The following ARHGEF19 variants were observed in gnomAD, a reference collection of about 807,000 sequenced individuals.
The protein encoded by ARHGEF19 is Rho guanine nucleotide exchange factor (GEF) 19.
Under a neutral mutation model 87.6 loss-of-function variants are expected in ARHGEF19, and 92 were observed. The ratio of observed to expected loss-of-function variants is 1.05; its 90% confidence interval spans 0.89 to 1.25. The LOEUF (loss-of-function observed/expected upper bound fraction) is 1.25, where lower values mean the gene tolerates loss of function less well. Among genes scored for constraint, ARHGEF19 ranks in the 50% most tolerant of loss-of-function variants. The pLI, the probability that ARHGEF19 is intolerant of heterozygous loss-of-function variation, is 0.00. For synonymous variants in ARHGEF19, 438 were observed against 446.2 expected (o/e 0.98, Z 0.23); for missense variants, 1,054 against 1,051.8 (o/e 1.00, Z -0.03).
At chr1:16,199,795 G>A (rs1407479072) in intron 14 of ARHGEF19, among the ~76,000 whole-genome samples, 2 of 151,832 alleles carry the variant, frequency 1.3e-5, no homozygotes. Context: ...ATCGCCCCCT[G>A]CTATCCTCGT....
intron 1 of ARHGEF19, among the ~76,000 whole-genome samples, chr1:16,210,698 G>T (rs1292990882): frequency 6.6e-6 from 1 of 152,202 alleles, no homozygotes; most frequent in Non-Finnish European, 1.5e-5. Context: ...TTACAATCCA[G>T]GTTGGCAAGA....
At chr1:16,199,059 G>T in intron 15 of ARHGEF19, 91 bp downstream of exon 15, 1 of 1,295,446 alleles carries the variant, frequency 7.7e-7, no homozygotes, top group Non-Finnish European at 1.1e-6. Flanking sequence ...ATCAACACTT[G>T]CAGAACCTTT....
rs1210483409 is a variant in ARHGEF19, at chr1:16,206,368, A to C, written c.1138-28T>G. On this transcript the variant is annotated intron_variant, in intron 6 of 15. Transcript: ENST00000270747. This position sits in a 1 kb window ranked among gnomAD's most constrained non-coding sequence, Gnocchi z 4.6. The stretch of plus-strand genomic sequence containing the variant: ...GAGGGAGGGCACACACGGGGTCGAA[A>C]GGGCAGGACCAGTTCACCTCGGAGG... The C allele has an allele frequency of 6.4e-7, 1 of 1,565,856 alleles. No homozygotes were observed.
At chr1:16,203,554 C>T (rs221045) in intron 12 of ARHGEF19, among the ~76,000 whole-genome samples, 111,731 of 152,054 alleles carry the variant, frequency 0.73, 41,260 homozygotes, top group East Asian at 0.85. Context: ...TAACTCTCCA[C>T]GCTCCCTGCT....
At position 16,206,328 on chromosome 1, in the gene ARHGEF19, G is replaced by T; in HGVS notation, c.1150C>A (p.Leu384Met). 6.3e-7 allele frequency: 1 copy of T among 1,578,382 alleles called. No individual in the cohort carries two copies. The highest frequency in any genetic ancestry group is 8.6e-7 in the Non-Finnish European group (1 of 1,162,504). Residue 384 changes from leucine to methionine, a missense_variant, in exon 7 of 16, where the codon CTG becomes ATG. Physicochemically the swap from Leu to Met is conservative, Grantham distance 15 (BLOSUM62 2). Coordinates refer to ENST00000270747, the MANE Select transcript of ARHGEF19 (RefSeq NM_153213.5). The surrounding 1 kb of genome is among the most constrained non-coding windows in gnomAD (Gnocchi z 4.6). ...ATGTAGGAGGCCTCGGAGGTGATCA[G>T]CTCAAACTTGGCCTGAGGGAGGGCA... Reference protein sequence around the residue: ...DCKLQEAKFELITSEASYIHS... With the variant: ...DCKLQEAKFEMITSEASYIHS...
intron 14 of ARHGEF19, among the ~76,000 whole-genome samples, chr1:16,201,345 C>T (rs1433652696): frequency 6.6e-6 from 1 of 152,220 alleles, no homozygotes; most frequent in African/African-American, 2.4e-5. Flanking sequence ...TTTATTCCAG[C>T]TGAGCAGATG....
In ARHGEF19 at chr1:16,206,483, C is replaced by G; in HGVS notation, c.1138-143G>C. On this transcript the variant is annotated intron_variant, in intron 6 of 15. Coordinates refer to ENST00000270747, the MANE Select transcript of ARHGEF19 (RefSeq NM_153213.5). The surrounding 1 kb of genome is among the most constrained non-coding windows in gnomAD (Gnocchi z 4.6). ...CACTCCTAATCTGGCGCCGGGCGGGCCCGGCGACCCACGTCCCGCCGCGGG... is the reference window on the plus strand; with the variant it reads ...CACTCCTAATCTGGCGCCGGGCGGGGCCGGCGACCCACGTCCCGCCGCGGG... 2 of 884,326 alleles carry G rather than the reference C, an allele frequency of 2.3e-6. No individual in the cohort carries two copies. The highest frequency in any genetic ancestry group is 3.5e-6 in the Non-Finnish European group (2 of 571,640). The allele number at this position is 884,326 out of a possible 1,614,324, so 54.8% of individuals were successfully genotyped here.
chr1:16,207,390 A>G lies in ARHGEF19; in HGVS notation c.874+132T>C, dbSNP rs915864988. On this transcript the variant is annotated intron_variant, in intron 5 of 15. Transcript: ENST00000270747. This position sits in a 1 kb window ranked among gnomAD's most constrained non-coding sequence, Gnocchi z 4.0. ...ACAAATTGAGCACCTACTGAGTGCT[A>G]GATACCGACAGTTCCATTCTCCGTT... is the stretch of plus-strand genomic sequence containing the variant. 1.5e-6 allele frequency: 2 copies of G among 1,325,954 alleles called. No homozygotes were observed. The highest frequency in any genetic ancestry group is 1.0e-6 in the Non-Finnish European group (1 of 967,824). 82.1% of individuals were successfully genotyped at this position (1,325,954 alleles called of 1,614,324 possible). A position where few individuals can be genotyped will look rare whatever the true frequency, so the allele number is the denominator to read the frequency against.
chr1:16,208,223 G>A lies in ARHGEF19; in HGVS notation c.415C>T (p.Arg139Cys). Residue 139 changes from arginine (R) to cysteine (C), a missense_variant and splice_region_variant, in exon 3 of 16, where the codon CGC (arginine) becomes TGC (cysteine). Coordinates refer to ENST00000270747, the MANE Select transcript of ARHGEF19 (RefSeq NM_153213.5). Reference protein sequence around the residue: ...SHGSEKKSAWRKMRVYQREEV... With the variant: ...SHGSEKKSAWCKMRVYQREEV... ...TCACGCTGGTACACCCGCATCTTGC[G>A]CCCTAGGGTTGGGGGCAAGGAGTGA... The A allele has an allele frequency of 1.2e-6, 2 of 1,611,498 alleles. No homozygotes were observed. Among genetic ancestry groups the A allele is most frequent in the Non-Finnish European group, 8.5e-7 (1 of 1,178,480 alleles).
Position 16,204,773 on chromosome 1 carries a change from G to A in ARHGEF19, c.1893C>T (p.Leu631=). ...YLHLFNDCLL[L]SRRKELGKFA... ...CCCCGACTCACTCCTTCCGCCGAGA[G>A]AGCAGCAAGCAGTCATTGAAGAGGT... Residue 631 remains leucine (L), a synonymous_variant, in exon 12 of 16, where the codon CTC becomes CTT. Coordinates refer to ENST00000270747, the MANE Select transcript of ARHGEF19 (RefSeq NM_153213.5). The A allele has an allele frequency of 6.2e-7, 1 of 1,603,050 alleles. No homozygotes were observed.
chr1:16,207,034 TG>T lies in ARHGEF19; in HGVS notation c.1050del (p.Thr351ProfsTer20). 2.0e-6 allele frequency: 3 copies of T among 1,513,736 alleles called. No individual in the cohort carries two copies. The highest frequency in any genetic ancestry group is 2.6e-6 in the Non-Finnish European group (3 of 1,133,710). 93.8% of individuals were successfully genotyped at this position (1,513,736 alleles called of 1,614,324 possible). The stretch of plus-strand genomic sequence containing the variant: ...GGGATATCCTGCCACAGCGAGAAGG[TG>T]GAGCCTCGCGCCGAGCGCTGCGCCC... ...SFRAQRSARG[S>X]TFSLWQDIPD... On this transcript the variant is annotated frameshift_variant, in exon 6 of 16. Transcript: ENST00000270747. LOFTEE classifies it high-confidence loss of function. This position sits in a 1 kb window ranked among gnomAD's most constrained non-coding sequence, Gnocchi z 4.0.
rs200330080 is a variant in ARHGEF19, at chr1:16,202,521, C to G, written c.1961G>C (p.Arg654Pro). Residue 654 changes from arginine to proline, a missense_variant, in exon 13 of 16, where the codon CGG becomes CCG. Physicochemically the swap from Arg to Pro is moderately radical, Grantham distance 103. Transcript: ENST00000270747. ...GCCCTGCAGCTTCAGGCTCAGGTCC[C>G]GCACCTGCAGCTCAGCCATCTTGGC... is the stretch of plus-strand genomic sequence containing the variant. ...VHAKMAELQVRDLSLKLQGIP... is the reference protein window; with the variant it reads ...VHAKMAELQVPDLSLKLQGIP... The G allele has an allele frequency of 3.7e-6, 6 of 1,614,196 alleles. No individual in the cohort carries two copies. The South Asian group carries it at 5.5e-5, about 15-fold the overall frequency.
chr1:16,199,834 CTCCCCTCCACTTTCCCTCCCTACTT>C (rs965661603), intron 14 of ARHGEF19, among the ~76,000 whole-genome samples: 7 of 152,020 alleles, frequency 4.6e-5, no homozygotes, highest in South Asian at 2.1e-4. Flanking sequence ...CCTCCCTACT[CTCCCCTCCACTTTCCCTCCCTACTT>C]TCCCCTCCAC....
Position 16,207,143 on chromosome 1 carries a change from C to G in ARHGEF19, c.942G>C (p.Glu314Asp), listed in dbSNP as rs1257365669. The change falls in exon 6 of 16, where the codon GAG becomes GAC. Residue 314 changes from glutamate (E) to aspartate (D), a missense_variant. Coordinates refer to ENST00000270747, the MANE Select transcript of ARHGEF19 (RefSeq NM_153213.5). This position sits in a 1 kb window ranked among gnomAD's most constrained non-coding sequence, Gnocchi z 4.0. ...ARELRRQQRE[E>D]EGPGDEAEGA... is the part of the protein sequence containing the mutation. ...CCTCGGCCTCGTCCCCCGGGCCCTCCTCCTCGCGCTGCTGCCGCCGCAGTT... is the reference window on the plus strand; with the variant it reads ...CCTCGGCCTCGTCCCCCGGGCCCTCGTCCTCGCGCTGCTGCCGCCGCAGTT... 6.5e-7 allele frequency: 1 copy of G among 1,528,490 alleles called. No individual in the cohort carries two copies. Among genetic ancestry groups the G allele is most frequent in the African/African-American group, 1.4e-5 (1 of 70,916 alleles). 94.7% of individuals were successfully genotyped at this position (1,528,490 alleles called of 1,614,324 possible). A position where few individuals can be genotyped will look rare whatever the true frequency, so the allele number is the denominator to read the frequency against.
Position 16,209,609 on chromosome 1 carries a change from C to T in ARHGEF19, c.-29-526G>A, listed in dbSNP as rs993053328. 1.5e-4 allele frequency among the ~76,000 whole-genome samples: 23 copies of T among 152,194 alleles called. 1 individual carries two copies. Among genetic ancestry groups the T allele is most frequent in the African/African-American group, 5.6e-4 (23 of 41,430 alleles). ...CATTTCAAACTCAGGCTCACACAGTCACAGACACACACATTTTTACACAAC... is the reference window on the plus strand; with the variant it reads ...CATTTCAAACTCAGGCTCACACAGTTACAGACACACACATTTTTACACAAC... On this transcript the variant is annotated intron_variant, in intron 1 of 15. Transcript: ENST00000270747.
intron 1 of ARHGEF19, among the ~76,000 whole-genome samples, chr1:16,210,190 G>A (rs1262059226): frequency 6.6e-6 from 1 of 152,246 alleles, no homozygotes; most frequent in African/African-American, 2.4e-5. Flanking sequence ...TCCGGCAGGG[G>A]AAGCCCTCTC....
rs1255047053 is a variant in ARHGEF19 at position 16,212,110 on chromosome 1, G to A, written c.-30+392C>T. 5.3e-5 allele frequency among the ~76,000 whole-genome samples: 8 copies of A among 152,236 alleles called. No homozygotes were observed. In the South Asian group the frequency reaches 1.2e-3, roughly 24 times the overall value. ...GGGCCAAGAAGGATGGGCAGGGGCC[G>A]AGGAAAGTACCCTTGGTGGGTGCTG... On this transcript the variant is annotated intron_variant, in intron 1 of 15. Transcript: ENST00000270747.
intron 1 of ARHGEF19, among the ~76,000 whole-genome samples, chr1:16,209,448 C>T (rs924958388): frequency 6.6e-6 from 1 of 152,166 alleles, no homozygotes; most frequent in Admixed American, 6.5e-5. Flanking sequence ...CCACCTTGTA[C>T]TTCTCTAAAA....
chr1:16,208,638 C>T lies in ARHGEF19; in HGVS notation c.412+5G>A, dbSNP rs1192038896. 4 of 1,600,294 alleles carry T rather than the reference C, an allele frequency of 2.5e-6. No homozygotes were observed. Among genetic ancestry groups the T allele is most frequent in the South Asian group, 2.2e-5 (2 of 89,210 alleles). Reference sequence around the variant, plus strand: ...CCCACACCCGCCTTCCCCAGGGTGACTCACAGGCAGACTTCTTCTCCGAGC... The same window carrying T: ...CCCACACCCGCCTTCCCCAGGGTGATTCACAGGCAGACTTCTTCTCCGAGC... On this transcript the variant is annotated splice_donor_5th_base_variant and intron_variant, in intron 2 of 15. Transcript: ENST00000270747.
Sources: allele counts gnomAD v4.1 joint callset (sites outside exome capture counted in the v4.1 genomes callset), GRCh38; gene constraint gnomAD v4.1.1; non-coding constraint Gnocchi (gnomAD v3.1); transcripts MANE v1.5; gene names NCBI Gene and HGNC (gene_info 2026-07-23, HGNC 2026-07-21).